The following NDRG4 variants were observed in gnomAD, a reference collection of about 807,000 sequenced individuals.
The protein encoded by NDRG4 is NDRG family member 4.
NDRG4 carries 38 observed loss-of-function variants against 55.8 expected under a neutral mutation model. The observed-to-expected ratio is 0.68, with a 90% CI of 0.53 to 0.89. The LOEUF (loss-of-function observed/expected upper bound fraction) is 0.89, where lower values mean the gene tolerates loss of function less well. Among genes scored for constraint, NDRG4 ranks in the 40% least tolerant of loss-of-function variants. The pLI, the probability that NDRG4 is intolerant of heterozygous loss-of-function variation, is 0.00. For missense variants in NDRG4, 455 were observed against 468.6 expected (o/e 0.97, Z 0.27); for synonymous variants, 190 against 182.7 (o/e 1.04, Z -0.32).
intron 8 of NDRG4, 149 bp downstream of exon 8, chr16:58,507,164 C>G: frequency 3.1e-6 from 2 of 654,982 alleles, no homozygotes; most frequent in East Asian, 2.7e-5. Context: ...ATTTCCTGCA[C>G]AAGGTCACAC....
intron 2 of NDRG4, among the ~76,000 whole-genome samples, chr16:58,493,082 TGCAGGTG>T (rs1429566078): frequency 1.3e-5 from 2 of 152,224 alleles, no homozygotes; most frequent in East Asian, 3.9e-4. Flanking sequence ...CCTGCTGGAA[TGCAGGTG>T]GCTGAACTCT....
At chr16:58,507,289 C>T in intron 8 of NDRG4, 2 of 501,806 alleles carry the variant, frequency 4.0e-6, no homozygotes, top group Non-Finnish European at 7.2e-6. Flanking sequence ...AGTGACATCC[C>T]TGACTCCAGT....
chr16:58,512,353 G>C lies in NDRG4; in HGVS notation c.*777G>C. 3.1e-6 allele frequency: 1 copy of C among 325,718 alleles called. No individual in the cohort carries two copies. The allele number at this position is 325,718 out of a possible 1,614,324, so 20.2% of individuals were successfully genotyped here. On this transcript the variant is annotated 3_prime_UTR_variant, in exon 15 of 15. Transcript: ENST00000570248. ...CCTGACTGGGGGTGAGGGAGAAGGA[G>C]GAGAGAGCCCATGTGTGGTGTGTGT...
chr16:58,506,721 C>T (rs1363271081), intron 7 of NDRG4, 107 bp downstream of exon 7: 9 of 1,337,118 alleles, frequency 6.7e-6, no homozygotes, highest in Non-Finnish European at 2.1e-6. Context: ...TGGCTCACTC[C>T]AGATGCTAAG....
At chr16:58,509,862 G>A (rs1567357522) in intron 13 of NDRG4, among the ~76,000 whole-genome samples, 1 of 152,154 alleles carries the variant, frequency 6.6e-6, no homozygotes, top group African/African-American at 2.4e-5. Flanking sequence ...CTGGCATTCA[G>A]AGAGCTGAAA....
intron 13 of NDRG4, 148 bp downstream of exon 13, chr16:58,509,500 C>T (rs561306442): frequency 2.5e-5 from 20 of 798,314 alleles, no homozygotes; most frequent in Non-Finnish European, 3.7e-5. Context: ...GACCTGGGCC[C>T]CGGATGCTGG....
exon 1 of NDRG4, chr16:58,463,763 C>A (rs2030967951): frequency 6.6e-6 from 1 of 151,198 alleles, no homozygotes; most frequent in East Asian, 2.0e-4. Context: ...AGCCCCGCTC[C>A]CCGCCTGCGC....
rs753976563 is a variant in NDRG4, at chr16:58,512,152, CA to C, written c.*577del. ...AGCTGGTGCTGTAGGGCCACGCAGGCAGGGGCGTCAAGGGGTTTCTCTGCCC... is the reference window on the plus strand; with the variant it reads ...AGCTGGTGCTGTAGGGCCACGCAGGCGGGGCGTCAAGGGGTTTCTCTGCCC... On this transcript the variant is annotated 3_prime_UTR_variant, in exon 15 of 15. Coordinates refer to ENST00000570248, the MANE Select transcript of NDRG4 (RefSeq NM_001242835.2). 84 of 454,960 alleles carry C rather than the reference CA, an allele frequency of 1.8e-4. No homozygotes were observed. The highest frequency in any genetic ancestry group is 3.4e-4 in the Non-Finnish European group (78 of 226,168). The allele number at this position is 454,960 out of a possible 1,614,324, so 28.2% of individuals were successfully genotyped here.
chr16:58,508,290 C>G (rs927952150), intron 10 of NDRG4, among the ~76,000 whole-genome samples: 3 of 152,202 alleles, frequency 2.0e-5, no homozygotes, highest in Non-Finnish European at 4.4e-5. Context: ...TGGTCCCTAC[C>G]CACCTCAGGC....
At chr16:58,510,463 C>T (rs2151850266) in intron 13 of NDRG4, among the ~76,000 whole-genome samples, 182 bp from the exon 14 acceptor site, 1 of 152,330 alleles carries the variant, frequency 6.6e-6, no homozygotes, top group Non-Finnish European at 1.5e-5. Flanking sequence ...GGGGCCACTG[C>T]TGGGTGGGCA....
At chr16:58,514,614 C>CTTGGGA (rs1361810734), downstream of NDRG4, among the ~76,000 whole-genome samples, 3 of 151,848 alleles carry the variant, frequency 2.0e-5, no homozygotes, top group African/African-American at 7.3e-5. Context: ...TGGCAGCGTA[C>CTTGGGA]GCCTGTAGTC....
chr16:58,501,007 G>A (rs2037012286), intron 1 of NDRG4: 1 of 1,246,056 alleles, frequency 8.0e-7, no homozygotes, highest in South Asian at 3.6e-5. Context: ...GGCAACGCTG[G>A]AGCCGTGAAG....
intron 1 of NDRG4, chr16:58,465,056 C>T (rs374829642): frequency 1.6e-6 from 2 of 1,271,620 alleles, no homozygotes; most frequent in South Asian, 1.3e-5. Context: ...CAAGAGCGAA[C>T]GGTCAGGAAG....
At chr16:58,501,936 T>C (rs1456488484) in intron 1 of NDRG4, 7 of 454,598 alleles carry the variant, frequency 1.5e-5, no homozygotes, top group Non-Finnish European at 2.7e-5. Flanking sequence ...ATAACTGTCC[T>C]TTATGCAGCA....
At chr16:58,481,251 A>G (rs1302173793) in intron 1 of NDRG4, among the ~76,000 whole-genome samples, 2 of 152,226 alleles carry the variant, frequency 1.3e-5, no homozygotes, top group Non-Finnish European at 2.9e-5. Context: ...CATAGCATTC[A>G]TTAATATTAA....
chr16:58,496,093 C>T (rs1237268300), upstream of NDRG4, among the ~76,000 whole-genome samples: 7 of 152,154 alleles, frequency 4.6e-5, no homozygotes, highest in Admixed American at 6.5e-5. Context: ...AGCAGCCAGC[C>T]GGTGCCTCAA....
At position 58,491,517 on chromosome 16, in the gene NDRG4, A is replaced by G. The variant is rs2035787219; in HGVS notation, c.73-3447A>G. ...CTTTTGTTGCCCAGGCTGGAATGCA[A>G]TGGCGCGATCTCAGCTCACCACAAC... On this transcript the variant is annotated intron_variant, in intron 2 of 15. Coordinates refer to the NDRG4 transcript ENST00000258187. 2.0e-5 allele frequency among the ~76,000 whole-genome samples: 3 copies of G among 151,666 alleles called. No individual in the cohort carries two copies. The South Asian group carries it at 6.2e-4, about 32-fold the overall frequency.
intron 1 of NDRG4, among the ~76,000 whole-genome samples, chr16:58,480,893 A>G (rs2034303037): frequency 6.6e-6 from 1 of 152,056 alleles, no homozygotes; most frequent in African/African-American, 2.4e-5. Context: ...CTGTAATCCC[A>G]GCTATGTTGG....
chr16:58,501,031 GGGACCCCAGGT>G, intron 1 of NDRG4: 6 of 1,244,708 alleles, frequency 4.8e-6, no homozygotes, highest in Non-Finnish European at 5.0e-6. Context: ...GCAGGGCTAG[GGGACCCCAGGT>G]GGAGCCCAGG....
Sources: allele counts gnomAD v4.1 joint callset (sites outside exome capture counted in the v4.1 genomes callset), GRCh38; gene constraint gnomAD v4.1.1; transcripts MANE v1.5; gene names NCBI Gene and HGNC (gene_info 2026-07-23, HGNC 2026-07-21).